NEK6: variants seen among roughly 807,000 people sequenced by gnomAD.
NEK6 encodes the protein NIMA related kinase 6.
A neutral mutation model predicts 43.5 loss-of-function variants in NEK6; 27 were observed. That is an observed-to-expected ratio of 0.62 (90% CI 0.46 to 0.86). NEK6 has a LOEUF of 0.86. NEK6 is among the 40% of genes least tolerant of loss of function. The probability of loss-of-function intolerance (pLI) is 0.00; values close to 1 mark genes in which losing one functional copy is unlikely to be tolerated. For missense variants in NEK6, 318 were observed against 414.4 expected (o/e 0.77, Z 2.02); for synonymous variants, 167 against 164.1 (o/e 1.02, Z -0.14).
At position 124,313,979 on chromosome 9, in the gene NEK6, C is replaced by T. The variant is rs1588500020; in HGVS notation, c.288C>T (p.Leu96=). Residue 96 remains leucine, a synonymous_variant, in exon 4 of 10, where the codon CTC becomes CTT. Transcript: ENST00000320246. The part of the protein sequence containing the change: ...ARQDCVKEIG[L]LKQLNHPNII... Reference sequence around the variant, plus strand: ...AGGACTGTGTCAAGGAGATCGGCCTCTTGAAGGTGAGCACCCTGGGCCGAG... The same window carrying T: ...AGGACTGTGTCAAGGAGATCGGCCTTTTGAAGGTGAGCACCCTGGGCCGAG... 2 of 1,614,060 alleles carry T rather than the reference C, an allele frequency of 1.2e-6. No individual in the cohort carries two copies. Among genetic ancestry groups the T allele is most frequent in the South Asian group, 1.1e-5 (1 of 91,086 alleles).
chr9:124,318,746 A>T (rs1833931773), intron 4 of NEK6, among the ~76,000 whole-genome samples: 1 of 152,120 alleles, frequency 6.6e-6, no homozygotes, highest in East Asian at 1.9e-4. Context: ...ATCTTGGCTC[A>T]CTGCAACCAC....
At chr9:124,289,460 G>A (rs988063745) in intron 1 of NEK6, among the ~76,000 whole-genome samples, 2 of 152,022 alleles carry the variant, frequency 1.3e-5, no homozygotes, top group African/African-American at 4.8e-5. Flanking sequence ...CCCAGCACCC[G>A]ACACTGATGG....
chr9:124,337,657 T>G (rs1305349917), intron 7 of NEK6, among the ~76,000 whole-genome samples: 1 of 152,222 alleles, frequency 6.6e-6, no homozygotes, highest in Non-Finnish European at 1.5e-5. Flanking sequence ...TATCAATTGA[T>G]CCAACATTTG....
chr9:124,329,080 G>C (rs886643978), intron 7 of NEK6, among the ~76,000 whole-genome samples: 1 of 152,222 alleles, frequency 6.6e-6, no homozygotes, highest in Non-Finnish European at 1.5e-5. Flanking sequence ...AACGAGGGCC[G>C]GGGGCCTCGG....
intron 4 of NEK6, among the ~76,000 whole-genome samples, chr9:124,319,664 C>T (rs935960867): frequency 6.6e-6 from 1 of 152,220 alleles, no homozygotes; most frequent in Admixed American, 6.5e-5. Flanking sequence ...TTTCATTCTT[C>T]TGCATATAGC....
chr9:124,278,579 G>C (rs1172136457), intron 1 of NEK6, among the ~76,000 whole-genome samples: 1 of 152,176 alleles, frequency 6.6e-6, no homozygotes, highest in Admixed American at 6.5e-5. Flanking sequence ...CCAACAGGGG[G>C]CTCAGCCACA....
chr9:124,328,505 T>G (rs1336134173), intron 7 of NEK6, among the ~76,000 whole-genome samples: 4 of 152,104 alleles, frequency 2.6e-5, no homozygotes, highest in Admixed American at 2.6e-4. Context: ...AGGAGGGGGC[T>G]GGGCCCCAGG....
intron 2 of NEK6, among the ~76,000 whole-genome samples, chr9:124,305,412 G>T (rs1004978291): frequency 1.3e-5 from 2 of 152,000 alleles, no homozygotes; most frequent in Non-Finnish European, 2.9e-5. Flanking sequence ...AAATTAGCTG[G>T]GCGTGGTGGT....
chr9:124,337,983 GT>G lies in NEK6; in HGVS notation c.623-1582del, dbSNP rs534505004. 8.6e-3 allele frequency among the ~76,000 whole-genome samples: 1,305 copies of G among 152,128 alleles called. 13 individuals are homozygous for G. The highest frequency in any genetic ancestry group is 0.03 in the African/African-American group (1,229 of 41,492). ...TACCTCATTGTGTTTTTTTGGTTTT[GT>G]TTTTTGTTTTGAGACAGAGTCTCAC... is the stretch of plus-strand genomic sequence containing the variant. On this transcript the variant is annotated intron_variant, in intron 7 of 9. Transcript: ENST00000320246.
intron 7 of NEK6, among the ~76,000 whole-genome samples, chr9:124,330,850 C>G (rs980504234): frequency 6.6e-6 from 1 of 152,048 alleles, no homozygotes; most frequent in Admixed American, 6.5e-5. Context: ...TACAGAGCCC[C>G]AGGGAGCCCA....
chr9:124,267,189 C>G (rs1017425617), intron 1 of NEK6, among the ~76,000 whole-genome samples: 4 of 152,236 alleles, frequency 2.6e-5, no homozygotes, highest in Non-Finnish European at 2.9e-5. Flanking sequence ...AGATTACACC[C>G]CATCTTAGAA....
At chr9:124,258,109 G>A in intron 1 of NEK6, 24 bp downstream of exon 1, 1 of 979,096 alleles carries the variant, frequency 1.0e-6, no homozygotes, top group Non-Finnish European at 1.2e-6. Flanking sequence ...GGCTGGGGCC[G>A]GGCCGGTGGG....
intron 1 of NEK6, among the ~76,000 whole-genome samples, chr9:124,268,445 A>G (rs1831307006): frequency 6.6e-6 from 1 of 152,254 alleles, no homozygotes; most frequent in Non-Finnish European, 1.5e-5. Context: ...GCTGTGTGCC[A>G]CAGGTGAATG....
rs761945900 is a variant in NEK6 at position 124,321,576 on chromosome 9, G to A, written c.405+7G>A. The A allele has an allele frequency of 1.0e-5, 16 of 1,577,398 alleles. No homozygotes were observed. Among genetic ancestry groups the A allele is most frequent in the African/African-American group, 2.7e-5 (2 of 74,274 alleles). ...CCTCTCGCAGATGATCAAGGTGAGC[G>A]CCTGGCGGGGTGGGGGTGCTGGGGG... On this transcript the variant is annotated splice_region_variant and intron_variant, in intron 5 of 9. Transcript: ENST00000320246.
chr9:124,275,886 G>C lies in NEK6; in HGVS notation c.-30+17801G>C, dbSNP rs1481770085. On this transcript the variant is annotated intron_variant, in intron 1 of 9. Transcript: ENST00000320246. The surrounding 1 kb of genome is among the most constrained non-coding windows in gnomAD (Gnocchi z 4.4). ...AAAGCCCAGGCCTTTTCTGGGGACA[G>C]ATAGGTCAGCGGGACGGATGGAACC... Among the ~76,000 whole-genome samples the C allele has an allele frequency of 6.6e-6, 1 of 152,274 alleles. No homozygotes were observed. The highest frequency in any genetic ancestry group is 2.4e-5 in the African/African-American group (1 of 41,476).
chr9:124,326,550 C>T lies in NEK6; in HGVS notation c.514+112C>T, dbSNP rs1190285160. 1.3e-6 allele frequency: 1 copy of T among 755,284 alleles called. No homozygotes were observed. The highest frequency in any genetic ancestry group is 2.1e-5 in the Admixed American group (1 of 46,928). 46.8% of individuals were successfully genotyped at this position (755,284 alleles called of 1,614,324 possible). A position where few individuals can be genotyped will look rare whatever the true frequency, so the allele number is the denominator to read the frequency against. ...AGCCCCTTGAGGAAGTTGGACCGCT[C>T]TGTATTCCCCAGGCAAGGGGGCTGC... On this transcript the variant is annotated intron_variant, in intron 6 of 9. Transcript: ENST00000320246. The surrounding 1 kb of genome is among the most constrained non-coding windows in gnomAD (Gnocchi z 4.5).
Position 124,339,657 on chromosome 9 carries a change from C to A in NEK6, c.709C>A (p.Leu237Met). Residue 237 changes from leucine to methionine, a missense_variant, in exon 8 of 10, where the codon CTG (leucine) becomes ATG (methionine). Transcript: ENST00000320246. ...KSDIWSLGCL[L>M]YEMAALQSPF... The stretch of plus-strand genomic sequence containing the variant: ...CGACATCTGGTCCCTGGGCTGTCTG[C>A]TGTACGAGGTGAGTCTCTGTCCGTG... 2 of 1,612,214 alleles carry A rather than the reference C, an allele frequency of 1.2e-6. No homozygotes were observed. Among genetic ancestry groups the A allele is most frequent in the Non-Finnish European group, 1.7e-6 (2 of 1,178,230 alleles).
chr9:124,292,206 A>G, intron 1 of NEK6: 1 of 1,239,766 alleles, frequency 8.1e-7, no homozygotes, highest in Non-Finnish European at 1.1e-6. Context: ...AGGGACCTTG[A>G]CCTGGCTGCA....
chr9:124,346,609 G>A (rs1315819832), intron 8 of NEK6, among the ~76,000 whole-genome samples: 1 of 152,176 alleles, frequency 6.6e-6, no homozygotes, highest in Non-Finnish European at 1.5e-5. Context: ...GAGGCAGGCA[G>A]CCACAGTGAG....
Sources: gnomAD v4.1 joint callset for allele counts (sites outside exome capture counted in the v4.1 genomes callset) on GRCh38, gnomAD v4.1.1 for gene constraint, Gnocchi (gnomAD v3.1) non-coding constraint, MANE v1.5 for transcripts, NCBI Gene and HGNC (gene_info 2026-07-23, HGNC 2026-07-21) for gene names.